The following CNBD1 variants were observed in gnomAD, a reference collection of about 807,000 sequenced individuals.
CNBD1 encodes cyclic nucleotide binding domain containing 1.
In CNBD1, 71 loss-of-function variants were observed where a neutral mutation model predicts 54.4. The ratio of observed to expected loss-of-function variants is 1.30; its 90% CI spans 1.08 to 1.59. The LOEUF is 1.59. Among genes scored for constraint, CNBD1 ranks in the 40% most tolerant of loss-of-function variants. The pLI is 0.00. For synonymous variants in CNBD1, 182 were observed against 170.7 expected, an observed-to-expected ratio of 1.07 and a Z score of -0.51; for missense variants, 659 against 518.0, an observed-to-expected ratio of 1.27 and a Z score of -2.64.
chr8:87,169,325 C>T (rs1813036975), intron 4 of CNBD1, among the ~76,000 whole-genome samples: 1 of 151,706 alleles, frequency 6.6e-6, no homozygotes, highest in South Asian at 2.1e-4. Context: ...GGTTATTAAT[C>T]CCCTGCAGAT....
At chr8:87,367,617 T>A (rs1169582657) in intron 10 of CNBD1, among the ~76,000 whole-genome samples, 1 of 152,170 alleles carries the variant, frequency 6.6e-6, no homozygotes, top group Non-Finnish European at 1.5e-5. Flanking sequence ...CTTGAAGTAT[T>A]CACTGTGTTC....
intron 4 of CNBD1, among the ~76,000 whole-genome samples, chr8:87,175,771 C>T (rs151217629): frequency 4.5e-4 from 69 of 152,320 alleles, no homozygotes; most frequent in African/African-American, 1.6e-3. Context: ...AGCTCGCTGG[C>T]TCCAAGCCAA....
At chr8:87,360,969 C>T (rs1053195403) in intron 10 of CNBD1, among the ~76,000 whole-genome samples, 1 of 151,764 alleles carries the variant, frequency 6.6e-6, no homozygotes, top group Non-Finnish European at 1.5e-5. Flanking sequence ...AACTTCTTCC[C>T]AACACATCAG....
intron 8 of CNBD1, among the ~76,000 whole-genome samples, chr8:87,320,421 C>T (rs1018829562): frequency 6.6e-6 from 1 of 152,012 alleles, no homozygotes; most frequent in African/African-American, 2.4e-5. Flanking sequence ...GAAAACATTA[C>T]TGAGACTATC....
chr8:87,081,383 T>C (rs1289178933), intron 4 of CNBD1, among the ~76,000 whole-genome samples: 10 of 152,212 alleles, frequency 6.6e-5, no homozygotes, highest in South Asian at 6.2e-4. Context: ...ATGTGTTTTT[T>C]CAGAATTTTG....
chr8:87,407,027 C>T (rs755399530), intron 2 of CNBD1, among the ~76,000 whole-genome samples: 1 of 151,842 alleles, frequency 6.6e-6, no homozygotes, highest in Admixed American at 6.6e-5. Flanking sequence ...TACCTGAAGG[C>T]TATCATATAT....
intron 4 of CNBD1, among the ~76,000 whole-genome samples, chr8:87,096,019 G>T (rs1421419799): frequency 6.6e-6 from 1 of 152,202 alleles, no homozygotes; most frequent in Non-Finnish European, 1.5e-5. Context: ...CTCAGAGGAA[G>T]TTAGGTAACA....
At chr8:86,868,932 A>G (rs887660054) in intron 1 of CNBD1, among the ~76,000 whole-genome samples, 1 of 115,810 alleles carries the variant, frequency 8.6e-6, no homozygotes, top group African/African-American at 3.6e-5. Context: ...CCTTATAAGC[A>G]AAAGAGGAAG....
At chr8:87,421,145 G>A (rs1017151875) in intron 2 of CNBD1, among the ~76,000 whole-genome samples, 7 of 152,024 alleles carry the variant, frequency 4.6e-5, no homozygotes, top group Admixed American at 2.6e-4. Context: ...TGTACTGGGA[G>A]CTGAGAACCA....
At chr8:87,098,781 T>C (rs938556210) in intron 4 of CNBD1, among the ~76,000 whole-genome samples, 2 of 150,752 alleles carry the variant, frequency 1.3e-5, no homozygotes, top group South Asian at 2.1e-4. Context: ...CTCATGCGTG[T>C]AATCTCAGCA....
intron 6 of CNBD1, among the ~76,000 whole-genome samples, chr8:87,276,498 A>G (rs1808483139): frequency 6.6e-6 from 1 of 151,844 alleles, no homozygotes; most frequent in African/African-American, 2.4e-5. Context: ...TGATAAGGGC[A>G]AGCAAGAAAA....
intron 4 of CNBD1, among the ~76,000 whole-genome samples, chr8:87,101,554 T>G (rs1181359787): frequency 6.6e-6 from 1 of 152,094 alleles, no homozygotes; most frequent in African/African-American, 2.4e-5. Context: ...AATTGGAGAC[T>G]TTACACATTT....
chr8:87,422,594 C>T (rs1408421935), intron 2 of CNBD1, among the ~76,000 whole-genome samples: 2 of 152,006 alleles, frequency 1.3e-5, no homozygotes, highest in Admixed American at 6.6e-5. Context: ...AGATATGCGG[C>T]GTTATTTCTG....
At chr8:87,403,998 A>T (rs1807611948) in intron 2 of CNBD1, among the ~76,000 whole-genome samples, 1 of 152,062 alleles carries the variant, frequency 6.6e-6, no homozygotes, top group Admixed American at 6.6e-5. Flanking sequence ...TACACTTCAG[A>T]TGTCCAGATC....
chr8:87,276,014 G>T (rs548723575), intron 6 of CNBD1, among the ~76,000 whole-genome samples: 2 of 151,830 alleles, frequency 1.3e-5, no homozygotes, highest in African/African-American at 2.4e-5. Context: ...CCTTACAAGG[G>T]ACCTGAAGGA....
intron 2 of CNBD1, among the ~76,000 whole-genome samples, chr8:86,888,871 CT>C (rs1808721388): frequency 6.6e-6 from 1 of 151,160 alleles, no homozygotes; most frequent in African/African-American, 2.4e-5. Context: ...TTTTTTTTCT[CT>C]TTGGGGGGTC....
intron 7 of CNBD1, among the ~76,000 whole-genome samples, chr8:87,286,210 A>G (rs1315585868): frequency 6.6e-6 from 1 of 152,228 alleles, no homozygotes; most frequent in African/African-American, 2.4e-5. Flanking sequence ...TTTCCCAAAT[A>G]TCAGTACCAG....
intron 8 of CNBD1, among the ~76,000 whole-genome samples, chr8:87,349,524 C>T (rs1028626962): frequency 2.8e-4 from 43 of 152,166 alleles, no homozygotes; most frequent in Admixed American, 1.1e-3. Flanking sequence ...TACAGGTGCG[C>T]GCCACCAGGC....
At chr8:87,130,175 A>G (rs182384019) in intron 4 of CNBD1, among the ~76,000 whole-genome samples, 155 of 152,326 alleles carry the variant, frequency 1.0e-3, no homozygotes, top group African/African-American at 3.7e-3. Context: ...AAACCATATC[A>G]GTGATTTTTA....
Sources: gnomAD v4.1 joint callset for allele counts (sites outside exome capture counted in the v4.1 genomes callset) on GRCh38, gnomAD v4.1.1 for gene constraint, MANE v1.5 for transcripts, NCBI Gene and HGNC (gene_info 2026-07-23, HGNC 2026-07-21) for gene names.